MSH6: variants seen among roughly 807,000 people sequenced by gnomAD.
MSH6 encodes the protein mutS homolog 6, also known as DNA mismatch repair protein Msh6.
MSH6 carries 85 observed loss-of-function variants against 119.1 expected under a neutral mutation model. The observed-to-expected ratio is 0.71, with a 90% CI of 0.60 to 0.85. MSH6 has a LOEUF of 0.85. Ranked by LOEUF, MSH6 falls within the 40% of genes least tolerant of loss-of-function variation. The probability of loss-of-function intolerance (pLI) is 0.00; values close to 1 mark genes in which losing one functional copy is unlikely to be tolerated. For missense variants in MSH6, 2,163 were observed against 1,655.3 expected (o/e 1.31, Z -5.32); for synonymous variants, 830 against 586.9 (o/e 1.41, Z -5.99).
chr2:47,793,349 G>C (rs1244274071), intron 2 of MSH6, among the ~76,000 whole-genome samples: 3 of 113,968 alleles, frequency 2.6e-5, no homozygotes, highest in Non-Finnish European at 3.8e-5. Flanking sequence ...AAAAAAAAAG[G>C]CTGGGCACGG....
intron 2 of MSH6, among the ~76,000 whole-genome samples, chr2:47,792,584 G>C (rs3136290): frequency 0.073 from 11,081 of 152,088 alleles, 574 homozygotes; most frequent in Non-Finnish European, 0.11. Flanking sequence ...TCCTGCCTGA[G>C]CTCAAGCAGT....
At chr2:47,785,689 G>A (rs916659629) in intron 1 of MSH6, among the ~76,000 whole-genome samples, 1 of 152,148 alleles carries the variant, frequency 6.6e-6, no homozygotes, top group African/African-American at 2.4e-5. Context: ...TATGCTTGTG[G>A]GGAACAGAGC....
At position 47,806,311 on chromosome 2, in the gene MSH6, T is replaced by C. The variant is rs1415810815; in HGVS notation, c.3754T>C (p.Leu1252=). 1.2e-6 allele frequency: 2 copies of C among 1,614,020 alleles called. No homozygotes were observed. The highest frequency in any genetic ancestry group is 2.7e-5 in the African/African-American group (2 of 74,930). ...ATTATTTTCAACTCACTACCATTCATTAGTAGAAGATTATTCTCAAAATGT... is the reference window on the plus strand; with the variant it reads ...ATTATTTTCAACTCACTACCATTCACTAGTAGAAGATTATTCTCAAAATGT... ...RTLFSTHYHS[L]VEDYSQNVAV... The change falls in exon 8 of 10, where the codon TTA becomes CTA. Residue 1252 remains leucine, a synonymous_variant. Transcript: ENST00000234420.
At chr2:47,804,543 AAAAAAAAG>A (rs900423494) in intron 5 of MSH6, among the ~76,000 whole-genome samples, 1 of 88,198 alleles carries the variant, frequency 1.1e-5, no homozygotes, top group Non-Finnish European at 2.1e-5. Context: ...TGTAAAAAAA[AAAAAAAAG>A]GTGCAGAGAT....
intron 1 of MSH6, chr2:47,784,867 T>G (rs1668253312): frequency 6.6e-6 from 1 of 152,220 alleles, no homozygotes; most frequent in South Asian, 2.1e-4. Flanking sequence ...TGCTCTTTTG[T>G]CCAGGCTAGA....
rs760597933 is a variant in MSH6 at position 47,783,221 on chromosome 2, G to A, written c.-13G>A. The stretch of plus-strand genomic sequence containing the variant: ...CCGTCCGACAGAACGGTTGGGCCTT[G>A]CCGGCTGTCGGTATGTCGCGACAGA... On this transcript the variant is annotated 5_prime_UTR_variant, in exon 1 of 10. Coordinates refer to ENST00000234420, the MANE Select transcript of MSH6 (RefSeq NM_000179.3). 1.2e-6 allele frequency: 2 copies of A among 1,611,084 alleles called. No homozygotes were observed. Among genetic ancestry groups the A allele is most frequent in the East Asian group, 2.2e-5 (1 of 44,656 alleles).
Position 47,806,559 on chromosome 2 carries a change from A to G in MSH6, c.3909A>G (p.Ala1303=), listed in dbSNP as rs757286252. The part of the protein sequence containing the change: ...ACPKSYGFNA[A]RLANLPEEVI... The stretch of plus-strand genomic sequence containing the variant: ...CTAAAAGCTATGGCTTTAATGCAGC[A>G]AGGCTTGCTAATCTCCCAGAGGAAG... The change falls in exon 9 of 10, where the codon GCA becomes GCG. Residue 1303 remains alanine, a synonymous_variant. Transcript: ENST00000234420. 1.1e-5 allele frequency: 17 copies of G among 1,613,766 alleles called. No individual in the cohort carries two copies. The African/African-American group carries it at 2.0e-4, about 19-fold the overall frequency.
At chr2:47,783,940 G>A in intron 1 of MSH6, 2 of 1,031,496 alleles carry the variant, frequency 1.9e-6, no homozygotes, top group Non-Finnish European at 2.3e-6. Context: ...ATGCCTGCGG[G>A]AGGCCGAACG....
intron 4 of MSH6, 68 bp downstream of exon 4, chr2:47,801,223 C>G (rs766165241): frequency 2.0e-6 from 3 of 1,519,954 alleles, no homozygotes; most frequent in Non-Finnish European, 2.7e-6. Flanking sequence ...GTATATTATC[C>G]CTAAAAATAA....
intron 1 of MSH6, chr2:47,783,902 G>A: frequency 1.0e-6 from 1 of 1,002,152 alleles, no homozygotes; most frequent in Non-Finnish European, 1.2e-6. Context: ...GGTGGGCGGG[G>A]CGGGGGGCGG....
In MSH6 at chr2:47,783,381, T is replaced by C. The variant is rs374597395; in HGVS notation, c.148T>C (p.Trp50Arg). ...ASPSPGGDAA[W>R]SEAGPGPRPL... ...TCCTTCCCCAGGCGGGGATGCGGCC[T>C]GGAGCGAGGCTGGGCCTGGGCCCAG... is the stretch of plus-strand genomic sequence containing the variant. Residue 50 changes from tryptophan to arginine, a missense_variant, in exon 1 of 10, where the codon TGG becomes CGG. Trp to Arg is a moderately radical substitution (Grantham distance 101). Coordinates refer to ENST00000234420, the MANE Select transcript of MSH6 (RefSeq NM_000179.3). 3.8e-6 allele frequency: 6 copies of C among 1,591,918 alleles called. No homozygotes were observed. Among genetic ancestry groups the C allele is most frequent in the Non-Finnish European group, 4.3e-6 (5 of 1,169,114 alleles).
rs754289472 is a variant in MSH6 at position 47,806,268 on chromosome 2, G to C, written c.3711G>C (p.Glu1237Asp). 1 of 1,614,066 alleles carries C rather than the reference G, an allele frequency of 6.2e-7. No homozygotes were observed. Among genetic ancestry groups the C allele is most frequent in the Non-Finnish European group, 8.5e-7 (1 of 1,179,952 alleles). The part of the protein sequence containing the change: ...IANAVVKELA[E>D]TIKCRTLFST... ...ATGCAGTTGTTAAAGAACTTGCTGA[G>C]ACTATAAAATGTCGTACATTATTTT... Residue 1237 changes from glutamate to aspartate, a missense_variant, in exon 8 of 10, where the codon GAG becomes GAC. Transcript: ENST00000234420.
At chr2:47,796,416 T>TA (rs61536384) in intron 3 of MSH6, among the ~76,000 whole-genome samples, 2 of 152,084 alleles carry the variant, frequency 1.3e-5, no homozygotes, top group Non-Finnish European at 1.5e-5. Context: ...ATGCTTTTTA[T>TA]AAAAAAACTG....
intron 6 of MSH6, among the ~76,000 whole-genome samples, chr2:47,805,336 C>A (rs946591644): frequency 6.6e-6 from 1 of 152,068 alleles, no homozygotes; most frequent in African/African-American, 2.4e-5. Context: ...CATGCCATCA[C>A]GCCCAGCTAA....
downstream of MSH6, chr2:47,808,050 T>A (rs1670347501): frequency 3.6e-6 from 5 of 1,391,014 alleles, no homozygotes; most frequent in African/African-American, 1.4e-5. Flanking sequence ...ATATTTTAAA[T>A]CTTCTTCCAA....
intron 4 of MSH6, among the ~76,000 whole-genome samples, chr2:47,802,382 G>C (rs1470118145): frequency 6.6e-6 from 1 of 152,028 alleles, no homozygotes; most frequent in Non-Finnish European, 1.5e-5. Context: ...TTTCAGACTG[G>C]AGTACAATGG....
In MSH6 at chr2:47,799,354, C is replaced by A. The variant is rs1349832206; in HGVS notation, c.1371C>A (p.Ala457=). Reference sequence around the variant, plus strand: ...TGGTATTCATGAAAGGCAACTGGGCCCATTCTGGCTTTCCTGAAATTGCAT... The same window carrying A: ...TGGTATTCATGAAAGGCAACTGGGCACATTCTGGCTTTCCTGAAATTGCAT... ...LGLVFMKGNW[A]HSGFPEIAFG... is the part of the protein sequence containing the mutation. Residue 457 remains alanine, a synonymous_variant, in exon 4 of 10, where the codon GCC becomes GCA. Transcript: ENST00000234420. 6.2e-7 allele frequency: 1 copy of A among 1,613,958 alleles called. No individual in the cohort carries two copies. The highest frequency in any genetic ancestry group is 8.5e-7 in the Non-Finnish European group (1 of 1,180,014).
At chr2:47,809,117 A>T (rs1670438546), downstream of MSH6, 1 of 1,247,456 alleles carries the variant, frequency 8.0e-7, no homozygotes, top group Non-Finnish European at 1.1e-6. Context: ...AAAGGAAATC[A>T]GTCTTCCTCT....
Position 47,803,525 on chromosome 2 carries a change from G to T in MSH6, c.3278G>T (p.Gly1093Val), listed in dbSNP as rs876661048. 6.2e-7 allele frequency: 1 copy of T among 1,614,094 alleles called. No individual in the cohort carries two copies. The highest frequency in any genetic ancestry group is 8.5e-7 in the Non-Finnish European group (1 of 1,180,022). Residue 1093 changes from glycine to valine, a missense_variant, in exon 5 of 10, where the codon GGA becomes GTA. By Grantham distance (109) the Gly-to-Val change is moderately radical. Transcript: ENST00000234420. ...EDTPPFLELK[G>V]SRHPCITKTF... ...ACCCCCCCCTTCTTAGAGCTTAAAG[G>T]ATCACGCCATCCTTGCATTACGAAG... is the stretch of plus-strand genomic sequence containing the variant.
Sources: allele counts gnomAD v4.1 joint callset (sites outside exome capture counted in the v4.1 genomes callset), GRCh38; gene constraint gnomAD v4.1.1; transcripts MANE v1.5; gene names NCBI Gene and HGNC (gene_info 2026-07-23, HGNC 2026-07-21).